Variants in CNTNAP2 observed in about 807,000 individuals in gnomAD.
CNTNAP2 encodes contactin associated protein 2.
A neutral mutation model predicts 155.2 loss-of-function variants in CNTNAP2; 98 were observed. The observed-to-expected ratio is 0.63, with a 90% CI of 0.54 to 0.75. The LOEUF is 0.75. Among genes scored for constraint, CNTNAP2 ranks in the 30% least tolerant of loss-of-function variants. CNTNAP2 has a pLI of 0.00. For missense variants in CNTNAP2, 1,727 were observed against 1,688.1 expected (o/e 1.02, Z -0.40); for synonymous variants, 651 against 631.2 (o/e 1.03, Z -0.47).
chr7:146,916,353 C>G (rs1392722304), intron 3 of CNTNAP2, among the ~76,000 whole-genome samples: 2 of 151,724 alleles, frequency 1.3e-5, no homozygotes, highest in East Asian at 1.9e-4. Context: ...AGAGAGGATT[C>G]CCTCTTTCTC....
chr7:147,747,132 C>T (rs1267917660), intron 13 of CNTNAP2, among the ~76,000 whole-genome samples: 2 of 152,138 alleles, frequency 1.3e-5, no homozygotes, highest in Non-Finnish European at 2.9e-5. Context: ...ACTCACCGAC[C>T]GCCTCTTATC....
At chr7:146,862,154 T>C (rs906822525) in intron 3 of CNTNAP2, among the ~76,000 whole-genome samples, 5 of 152,174 alleles carry the variant, frequency 3.3e-5, no homozygotes, top group African/African-American at 1.2e-4. Context: ...CACCTGCCAG[T>C]TCGTTATTCA....
chr7:147,525,158 G>C (rs1799296107), intron 11 of CNTNAP2, among the ~76,000 whole-genome samples: 1 of 152,126 alleles, frequency 6.6e-6, no homozygotes, highest in Non-Finnish European at 1.5e-5. Flanking sequence ...TATTTGTTTT[G>C]ACATAACATT....
chr7:147,227,994 T>C (rs777771221), intron 8 of CNTNAP2, among the ~76,000 whole-genome samples: 2 of 151,972 alleles, frequency 1.3e-5, no homozygotes, highest in Non-Finnish European at 2.9e-5. Flanking sequence ...AAGCAGAGAG[T>C]AGAAGCAGAT....
chr7:147,476,075 C>T (rs1310504534), intron 10 of CNTNAP2, among the ~76,000 whole-genome samples: 1 of 151,716 alleles, frequency 6.6e-6, no homozygotes, highest in Non-Finnish European at 1.5e-5. Flanking sequence ...AATATCCCCG[C>T]CTCTGTTTAT....
intron 14 of CNTNAP2, among the ~76,000 whole-genome samples, chr7:147,904,421 G>A (rs1319864523): frequency 6.6e-6 from 1 of 152,164 alleles, no homozygotes; most frequent in Non-Finnish European, 1.5e-5. Context: ...CAGAAGTTTA[G>A]GTGGAAGACT....
intron 1 of CNTNAP2, among the ~76,000 whole-genome samples, chr7:146,584,004 A>G (rs749229180): frequency 5.3e-5 from 8 of 152,144 alleles, no homozygotes; most frequent in Admixed American, 2.6e-4. Context: ...CCTGATGTAG[A>G]TTATAAATCT....
intron 3 of CNTNAP2, among the ~76,000 whole-genome samples, chr7:146,960,178 A>T (rs1797527351): frequency 2.0e-5 from 3 of 152,132 alleles, no homozygotes; most frequent in African/African-American, 7.2e-5. Context: ...GGAAAAAAAT[A>T]AGTTTCTTTT....
rs1470971981 is a variant in CNTNAP2 at position 147,107,835 on chromosome 7, TG to T, written c.551-310del. Among the ~76,000 whole-genome samples, 7 of 152,274 alleles carry T rather than the reference TG, an allele frequency of 4.6e-5. No individual in the cohort carries two copies. In the South Asian group the frequency reaches 1.4e-3, roughly 32 times the overall value. On this transcript the variant is annotated intron_variant, in intron 4 of 23. Coordinates refer to ENST00000361727, the MANE Select transcript of CNTNAP2 (RefSeq NM_014141.6). ...TTGAGATTTAAAAATTTTACGATTTTGGTCTAAACTCTAGATTTCTAAGTTA... is the reference window on the plus strand; with the variant it reads ...TTGAGATTTAAAAATTTTACGATTTTGTCTAAACTCTAGATTTCTAAGTTA...
At chr7:147,640,771 A>G (rs1795258711) in intron 13 of CNTNAP2, among the ~76,000 whole-genome samples, 2 of 152,184 alleles carry the variant, frequency 1.3e-5, no homozygotes, top group Non-Finnish European at 2.9e-5. Flanking sequence ...TCCCTCATAC[A>G]GAGACAGAGA....
intron 21 of CNTNAP2, among the ~76,000 whole-genome samples, chr7:148,304,287 C>G (rs1797449637): frequency 6.8e-6 from 1 of 146,820 alleles, no homozygotes. Context: ...AAAAAAATGT[C>G]TGCTGCCTCT....
chr7:147,226,797 AT>A (rs1454551369), intron 8 of CNTNAP2, among the ~76,000 whole-genome samples: 21 of 152,340 alleles, frequency 1.4e-4, no homozygotes, highest in African/African-American at 5.1e-4. Context: ...TTCCTTTACA[AT>A]TCATGCTACT....
At chr7:147,974,492 G>T (rs545047442) in intron 14 of CNTNAP2, among the ~76,000 whole-genome samples, 1 of 152,258 alleles carries the variant, frequency 6.6e-6, no homozygotes, top group Admixed American at 6.5e-5. Context: ...AGGTGTGGTG[G>T]TGGGCACCTG....
At chr7:146,260,237 C>G (rs1164358686) in intron 1 of CNTNAP2, among the ~76,000 whole-genome samples, 1 of 152,224 alleles carries the variant, frequency 6.6e-6, no homozygotes, top group Admixed American at 6.5e-5. Flanking sequence ...CAGAAATTTA[C>G]TTCATGGGCA....
At chr7:148,318,767 C>T (rs1797735846) in intron 21 of CNTNAP2, among the ~76,000 whole-genome samples, 1 of 152,196 alleles carries the variant, frequency 6.6e-6, no homozygotes, top group Non-Finnish European at 1.5e-5. Context: ...CTACAACCAA[C>T]CGGCTCTTGA....
chr7:147,173,239 T>G (rs1802267777), intron 8 of CNTNAP2, among the ~76,000 whole-genome samples: 1 of 152,140 alleles, frequency 6.6e-6, no homozygotes, highest in Admixed American at 6.6e-5. Context: ...TTCTTAAATC[T>G]GATGACAAAT....
chr7:146,683,003 T>A (rs1800531464), intron 1 of CNTNAP2, among the ~76,000 whole-genome samples: 1 of 152,156 alleles, frequency 6.6e-6, no homozygotes, highest in Non-Finnish European at 1.5e-5. Context: ...CTACTTCCTG[T>A]GTTTGTATAC....
intron 1 of CNTNAP2, among the ~76,000 whole-genome samples, chr7:146,316,889 G>A (rs914711817): frequency 1.3e-5 from 2 of 152,062 alleles, no homozygotes; most frequent in East Asian, 1.9e-4. Flanking sequence ...ACGGGAGGTC[G>A]TCAGAGGAGG....
intron 1 of CNTNAP2, among the ~76,000 whole-genome samples, chr7:146,203,462 G>A (rs1292872112): frequency 6.6e-6 from 1 of 152,186 alleles, no homozygotes; most frequent in African/African-American, 2.4e-5. Flanking sequence ...GAAGAGATGG[G>A]CAGGGAAGGG....
Sources: allele counts gnomAD v4.1 joint callset (sites outside exome capture counted in the v4.1 genomes callset), GRCh38; gene constraint gnomAD v4.1.1; transcripts MANE v1.5; gene names NCBI Gene and HGNC (gene_info 2026-07-23, HGNC 2026-07-21).